The following MROH2B variants were observed in gnomAD, a reference collection of about 807,000 sequenced individuals.
MROH2B encodes maestro heat like repeat family member 2B.
In MROH2B, 177 loss-of-function variants were observed where a neutral mutation model predicts 208.6. The observed-to-expected ratio is 0.85, with a 90% CI of 0.75 to 0.96. MROH2B has a LOEUF of 0.96. Ranked by LOEUF, MROH2B falls within the 40% of genes least tolerant of loss-of-function variation. The probability of loss-of-function intolerance (pLI) is 0.00; values close to 1 mark genes in which losing one functional copy is unlikely to be tolerated. For synonymous variants in MROH2B, 728 were observed against 659.0 expected (o/e 1.10, Z -1.60); for missense variants, 2,002 against 1,878.7 (o/e 1.07, Z -1.21).
chr5:41,025,523 T>C (rs1051202501), intron 24 of MROH2B, among the ~76,000 whole-genome samples: 14 of 152,120 alleles, frequency 9.2e-5, no homozygotes, highest in East Asian at 1.9e-4. Context: ...TAAGAGGCTC[T>C]GAAATTGAAG....
intron 13 of MROH2B, among the ~76,000 whole-genome samples, chr5:41,050,314 C>T (rs1743248206): frequency 6.6e-6 from 1 of 152,140 alleles, no homozygotes; most frequent in African/African-American, 2.4e-5. Flanking sequence ...TCATCATTCA[C>T]TTCTATATCA....
At chr5:41,024,459 G>A (rs1283234386) in intron 24 of MROH2B, among the ~76,000 whole-genome samples, 4 of 152,190 alleles carry the variant, frequency 2.6e-5, no homozygotes, top group East Asian at 1.9e-4. Context: ...TAATGGAAAA[G>A]GGATCAATTC....
intron 24 of MROH2B, among the ~76,000 whole-genome samples, chr5:41,020,178 A>G (rs939278671): frequency 1.3e-5 from 2 of 152,126 alleles, no homozygotes; most frequent in Admixed American, 1.3e-4. Flanking sequence ...TTTTAAAATA[A>G]TGAATATATG....
rs1268406986 is a variant in MROH2B, at chr5:41,065,332, A to G, written c.360T>C (p.Tyr120=). Residue 120 remains tyrosine (Y), a splice_region_variant and synonymous_variant, in exon 4 of 42, where the codon TAT becomes TAC. Coordinates refer to ENST00000399564, the MANE Select transcript of MROH2B (RefSeq NM_173489.5). The part of the protein sequence containing the change: ...VLALAELATS[Y]VSQSIPFMMM... ...AATTGGAGAATATTCCCGCTATACC[A>G]TAGCTGGTTGCCAATTCAGCCAGGG... The G allele has an allele frequency of 1.2e-6, 2 of 1,611,056 alleles. No individual in the cohort carries two copies. The highest frequency in any genetic ancestry group is 2.2e-5 in the South Asian group (2 of 90,398).
chr5:41,061,029 C>T (rs1269683463), intron 6 of MROH2B, among the ~76,000 whole-genome samples: 1 of 152,176 alleles, frequency 6.6e-6, no homozygotes, highest in African/African-American at 2.4e-5. Context: ...AAGCAAGATA[C>T]ATGTGAATGC....
chr5:41,065,661 A>T (rs1247773962), intron 3 of MROH2B, among the ~76,000 whole-genome samples, 171 bp from the exon 4 acceptor site: 1 of 152,098 alleles, frequency 6.6e-6, no homozygotes, highest in Non-Finnish European at 1.5e-5. Context: ...TAATGGTGAG[A>T]TTTGGGCTTC....
At chr5:41,024,455 A>T (rs4333360) in intron 24 of MROH2B, among the ~76,000 whole-genome samples, 116,408 of 151,838 alleles carry the variant, frequency 0.77, 44,957 homozygotes, top group Non-Finnish European at 0.82. Context: ...TACATAATGG[A>T]AAAGGGATCA....
In MROH2B at chr5:41,000,242, T is replaced by C. The variant is rs755024109; in HGVS notation, c.4460A>G (p.Tyr1487Cys). The change falls in exon 39 of 42, where the codon TAC (tyrosine) becomes TGC (cysteine). Residue 1487 changes from tyrosine (Y) to cysteine (C), a missense_variant. Transcript: ENST00000399564. ...DQDLPRARDF[Y>C]RQFCVKLAKK... ...CACCAGTTTCACACAGAATTGCCTG[T>C]AGAAATCCCTGGCCCTTGGTAGATC... is the stretch of plus-strand genomic sequence containing the variant. The C allele has an allele frequency of 2.4e-5, 38 of 1,613,762 alleles. No homozygotes were observed. Among genetic ancestry groups the C allele is most frequent in the Admixed American group, 1.0e-4 (6 of 59,984 alleles).
intron 17 of MROH2B, among the ~76,000 whole-genome samples, chr5:41,047,095 C>T (rs1189191440): frequency 6.6e-6 from 1 of 151,982 alleles, no homozygotes; most frequent in Non-Finnish European, 1.5e-5. Context: ...ATATTAAAAG[C>T]TCCCTGTCTG....
intron 32 of MROH2B, 34 bp downstream of exon 32, chr5:41,009,246 C>T: frequency 6.2e-7 from 1 of 1,611,118 alleles, no homozygotes; most frequent in Non-Finnish European, 8.5e-7. Context: ...GGCGCAGTCT[C>T]AGGCAAGTGA....
Position 41,004,512 on chromosome 5 carries a change from T to G in MROH2B, c.4028A>C (p.Gln1343Pro). The G allele has an allele frequency of 2.5e-6, 4 of 1,606,094 alleles. No individual in the cohort carries two copies. The highest frequency in any genetic ancestry group is 3.4e-6 in the Non-Finnish European group (4 of 1,177,936). Residue 1343 changes from glutamine to proline, a missense_variant, in exon 37 of 42, where the codon CAG becomes CCG. By Grantham distance (76) the Gln-to-Pro change is moderately conservative (BLOSUM62 -1). Coordinates refer to ENST00000399564, the MANE Select transcript of MROH2B (RefSeq NM_173489.5). ...TCTGATGATAGATTCTAGCATTAAC[T>G]GCTTATGTTTCTTCACCTATTTTGA... is the stretch of plus-strand genomic sequence containing the variant. ...GAPHKVKKHK[Q>P]LMLESIIRGL...
chr5:41,000,045 C>A, intron 39 of MROH2B, 175 bp downstream of exon 39: 2 of 823,310 alleles, frequency 2.4e-6, no homozygotes, highest in Non-Finnish European at 3.8e-6. Flanking sequence ...AGCAGAGGGT[C>A]CTGTGGCAGG....
intron 2 of MROH2B, among the ~76,000 whole-genome samples, chr5:41,068,152 T>C (rs915042346): frequency 6.6e-6 from 1 of 152,198 alleles, no homozygotes; most frequent in East Asian, 1.9e-4. Context: ...AGCTTCAACA[T>C]GCACCTCCAG....
Position 41,058,082 on chromosome 5 carries a change from A to G in MROH2B, c.737T>C (p.Ile246Thr), listed in dbSNP as rs1743518055. ...WLLNQYKDKE[I>T]DFHVTQSLKQ... ...TCTTACCTGAGTGACATGGAAATCA[A>G]TCTCTTTGTCTTTATACTGGTTCAG... is the stretch of plus-strand genomic sequence containing the variant. The change falls in exon 7 of 42, where the codon ATT becomes ACT. Residue 246 changes from isoleucine to threonine, a missense_variant. By Grantham distance (89) the Ile-to-Thr change is moderately conservative. Coordinates refer to ENST00000399564, the MANE Select transcript of MROH2B (RefSeq NM_173489.5). The G allele has an allele frequency of 6.3e-7, 1 of 1,592,808 alleles. No homozygotes were observed. Among genetic ancestry groups the G allele is most frequent in the East Asian group, 2.3e-5 (1 of 43,950 alleles).
chr5:41,070,119 G>A (rs1743941148), intron 1 of MROH2B, among the ~76,000 whole-genome samples: 1 of 152,028 alleles, frequency 6.6e-6, no homozygotes, highest in South Asian at 2.1e-4. Context: ...TAGAAGGCAG[G>A]GGTGCAACAT....
intron 37 of MROH2B, among the ~76,000 whole-genome samples, chr5:41,001,295 C>G (rs1246853148): frequency 6.6e-6 from 1 of 152,138 alleles, no homozygotes; most frequent in Non-Finnish European, 1.5e-5. Flanking sequence ...TTACAGGCAG[C>G]TTGGGAATTT....
intron 20 of MROH2B, 32 bp downstream of exon 20, chr5:41,039,416 A>G (rs762623419): frequency 8.3e-6 from 11 of 1,326,906 alleles, no homozygotes; most frequent in Non-Finnish European, 1.1e-5. Flanking sequence ...GCCTTGCAAT[A>G]CTGAGAATTT....
In MROH2B at chr5:41,003,367, C is replaced by T. The variant is rs1250564848; in HGVS notation, c.4194+979G>A. Among the ~76,000 whole-genome samples, 8 of 152,010 alleles carry T rather than the reference C, an allele frequency of 5.3e-5. No individual in the cohort carries two copies. The South Asian group carries it at 1.0e-3, about 20-fold the overall frequency. ...ATAGACAAGAAAAACTGCAAAAATA[C>T]GAAACTGAAGAATGCTGTGGGCATA... On this transcript the variant is annotated intron_variant, in intron 37 of 41. Transcript: ENST00000399564.
chr5:41,011,870 G>A (rs992670979), intron 30 of MROH2B, among the ~76,000 whole-genome samples: 24 of 152,116 alleles, frequency 1.6e-4, no homozygotes, highest in African/African-American at 5.8e-4. Context: ...GTTTCTCCAT[G>A]TTGCTCAGGC....
Sources: allele counts gnomAD v4.1 joint callset (sites outside exome capture counted in the v4.1 genomes callset), GRCh38; gene constraint gnomAD v4.1.1; transcripts MANE v1.5; gene names NCBI Gene and HGNC (gene_info 2026-07-23, HGNC 2026-07-21).